Variants in GRAMD1C observed in about 807,000 individuals in gnomAD.
The protein encoded by GRAMD1C is GRAM domain containing 1C.
Under a neutral mutation model 97.8 loss-of-function variants are expected in GRAMD1C, and 89 were observed. The ratio of observed to expected loss-of-function variants is 0.91; its 90% CI spans 0.77 to 1.09. The LOEUF (loss-of-function observed/expected upper bound fraction) is 1.09. Ranked by LOEUF, GRAMD1C falls within the 50% of genes least tolerant of loss-of-function variation. The probability of loss-of-function intolerance (pLI) is 0.00; values close to 1 mark genes in which losing one functional copy is unlikely to be tolerated. For synonymous variants in GRAMD1C, 256 were observed against 267.0 expected (o/e 0.96, Z 0.40); for missense variants, 740 against 766.4 (o/e 0.97, Z 0.41).
chr3:113,839,830 A>G (rs1308514278), intron 1 of GRAMD1C, among the ~76,000 whole-genome samples: 2 of 152,168 alleles, frequency 1.3e-5, no homozygotes, highest in Non-Finnish European at 2.9e-5. Context: ...AGATGTACAG[A>G]GATTGACTTT....
intron 10 of GRAMD1C, among the ~76,000 whole-genome samples, chr3:113,920,507 G>A (rs778697465): frequency 5.3e-5 from 8 of 152,018 alleles, no homozygotes; most frequent in Non-Finnish European, 1.5e-5. Context: ...AAATTTTCGG[G>A]TGAGAAAAAT....
At chr3:113,918,328 A>G (rs1936913937) in intron 10 of GRAMD1C, among the ~76,000 whole-genome samples, 1 of 152,176 alleles carries the variant, frequency 6.6e-6, no homozygotes, top group Non-Finnish European at 1.5e-5. Context: ...AACTGGATAC[A>G]TTATTTCCCT....
chr3:113,880,341 A>G (rs965701959), intron 5 of GRAMD1C, among the ~76,000 whole-genome samples: 1 of 152,122 alleles, frequency 6.6e-6, no homozygotes, highest in African/African-American at 2.4e-5. Context: ...ACAGGCATGC[A>G]TATATAAATG....
intron 5 of GRAMD1C, among the ~76,000 whole-genome samples, chr3:113,877,592 A>C (rs2107388577): frequency 6.6e-6 from 1 of 152,292 alleles, no homozygotes; most frequent in Middle Eastern, 3.4e-3. Context: ...GATTAAATTT[A>C]GGTTGTGTAA....
chr3:113,842,919 C>T (rs1267844780), intron 1 of GRAMD1C, among the ~76,000 whole-genome samples: 23 of 151,408 alleles, frequency 1.5e-4, no homozygotes, highest in Middle Eastern at 6.8e-3. Context: ...GCCGAGATCA[C>T]GCCACTGCAC....
At chr3:113,944,344 G>A (rs1172723725) in intron 17 of GRAMD1C, among the ~76,000 whole-genome samples, 1 of 152,172 alleles carries the variant, frequency 6.6e-6, no homozygotes, top group Admixed American at 6.5e-5. Flanking sequence ...TCTTCATGCT[G>A]TTGCATTGGG....
intron 6 of GRAMD1C, among the ~76,000 whole-genome samples, chr3:113,883,726 A>T (rs1306476902): frequency 6.6e-6 from 1 of 152,188 alleles, no homozygotes; most frequent in Non-Finnish European, 1.5e-5. Context: ...TATTAGAGAC[A>T]AGGAAGAATA....
At chr3:113,911,860 T>G (rs958306614) in intron 9 of GRAMD1C, among the ~76,000 whole-genome samples, 4 of 152,038 alleles carry the variant, frequency 2.6e-5, no homozygotes, top group African/African-American at 9.7e-5. Flanking sequence ...TCCAAGTAGC[T>G]GGGACTACAG....
At position 113,883,767 on chromosome 3, in the gene GRAMD1C, T is replaced by C. The variant is rs529319167; in HGVS notation, c.540+935T>C. Among the ~76,000 whole-genome samples, 10 of 152,036 alleles carry C rather than the reference T, an allele frequency of 6.6e-5. No individual in the cohort carries two copies. In the South Asian group the frequency reaches 2.1e-3, roughly 32 times the overall value. On this transcript the variant is annotated intron_variant, in intron 6 of 17. Transcript: ENST00000358160. ...TCAATTCATCTGGAATTCATAACAA[T>C]CATAAACATATATAGACCTCGTACA...
intron 6 of GRAMD1C, among the ~76,000 whole-genome samples, chr3:113,886,634 T>A (rs561233261): frequency 4.0e-5 from 6 of 150,710 alleles, no homozygotes; most frequent in African/African-American, 9.8e-5. Flanking sequence ...GAAAAAAAAA[T>A]AAATTAGAAA....
chr3:113,905,800 A>G (rs1936350652), intron 8 of GRAMD1C, among the ~76,000 whole-genome samples: 1 of 151,996 alleles, frequency 6.6e-6, no homozygotes, highest in South Asian at 2.1e-4. Flanking sequence ...GGTTCAAGCA[A>G]TTCTTCTGGC....
intron 10 of GRAMD1C, among the ~76,000 whole-genome samples, chr3:113,925,315 G>T (rs140142888): frequency 1.3e-5 from 2 of 152,132 alleles, no homozygotes; most frequent in African/African-American, 4.8e-5. Flanking sequence ...TGGTGAAAAC[G>T]CATCTCTACT....
intron 6 of GRAMD1C, among the ~76,000 whole-genome samples, chr3:113,887,095 T>G (rs868832517): frequency 0.011 from 1,327 of 116,450 alleles, 28 homozygotes; most frequent in African/African-American, 0.043. Context: ...GTTTTTTTTT[T>G]GTTTTTTTTT....
chr3:113,852,976 T>C (rs1273595301), intron 2 of GRAMD1C, among the ~76,000 whole-genome samples: 3 of 152,204 alleles, frequency 2.0e-5, no homozygotes, highest in African/African-American at 7.2e-5. Flanking sequence ...GATTTAGTAC[T>C]CTATAAGTGA....
At chr3:113,853,604 A>G (rs1933998001) in intron 2 of GRAMD1C, among the ~76,000 whole-genome samples, 1 of 152,234 alleles carries the variant, frequency 6.6e-6, no homozygotes, top group Non-Finnish European at 1.5e-5. Flanking sequence ...GGTCTTATTT[A>G]TTCATTTATT....
intron 1 of GRAMD1C, among the ~76,000 whole-genome samples, chr3:113,843,858 T>C (rs1933488814): frequency 6.6e-6 from 1 of 152,222 alleles, no homozygotes; most frequent in Non-Finnish European, 1.5e-5. Context: ...TCCACTTTCA[T>C]AGTATTAACA....
rs769044069 is a variant in GRAMD1C, at chr3:113,848,019, AT to A, written c.174+3372del. 7.9e-5 allele frequency among the ~76,000 whole-genome samples: 12 copies of A among 152,250 alleles called. 1 individual carries two copies. The highest frequency in any genetic ancestry group is 2.0e-4 in the Admixed American group (3 of 15,278). ...AAAAGAATGGATAACTTTAAAAAGT[AT>A]TGGTATTTACAGAGTTAAGCTACAG... On this transcript the variant is annotated intron_variant, in intron 2 of 17. Coordinates refer to ENST00000358160, the MANE Select transcript of GRAMD1C (RefSeq NM_017577.5).
rs756330431 is a variant in GRAMD1C, at chr3:113,882,738, A to G, written c.460-14A>G. 11 of 1,469,420 alleles carry G rather than the reference A, an allele frequency of 7.5e-6. No individual in the cohort carries two copies. The South Asian group carries it at 1.2e-4, about 17-fold the overall frequency. The allele number at this position is 1,469,420 out of a possible 1,614,324, so 91.0% of individuals were successfully genotyped here. ...TCCATGACACTAAAATTCTCCTATT[A>G]TTTTTCTTTGCAGTTTTTCTTCACA... On this transcript the variant is annotated splice_polypyrimidine_tract_variant and intron_variant, in intron 5 of 17. Coordinates refer to ENST00000358160, the MANE Select transcript of GRAMD1C (RefSeq NM_017577.5).
At chr3:113,829,911 A>G (rs1178265672) in intron 1 of GRAMD1C, among the ~76,000 whole-genome samples, 1 of 152,136 alleles carries the variant, frequency 6.6e-6, no homozygotes, top group Non-Finnish European at 1.5e-5. Context: ...ATGGAAAACA[A>G]GGACGCAGAC....
Sources: gnomAD v4.1 joint callset for allele counts (sites outside exome capture counted in the v4.1 genomes callset) on GRCh38, gnomAD v4.1.1 for gene constraint, MANE v1.5 for transcripts, NCBI Gene and HGNC (gene_info 2026-07-23, HGNC 2026-07-21) for gene names.